KCNH7: variants seen among roughly 807,000 people sequenced by gnomAD.
KCNH7 encodes the protein potassium voltage-gated channel subfamily H member 7.
In KCNH7, 49 loss-of-function variants were observed where a neutral mutation model predicts 120.8. The ratio of observed to expected loss-of-function variants is 0.41; its 90% CI spans 0.32 to 0.51. KCNH7 has a LOEUF of 0.51. KCNH7 is among the 20% of genes least tolerant of loss of function. KCNH7 has a pLI of 0.38. For missense variants in KCNH7, 1,097 were observed against 1,446.6 expected (o/e 0.76, Z 3.92); for synonymous variants, 547 against 516.1 (o/e 1.06, Z -0.81).
intron 2 of KCNH7, among the ~76,000 whole-genome samples, chr2:162,602,424 A>G (rs1320474367): frequency 1.3e-5 from 2 of 152,118 alleles, no homozygotes; most frequent in Non-Finnish European, 2.9e-5. Flanking sequence ...TCCACAGCCT[A>G]CAAAACCTTA....
At chr2:162,384,297 T>C (rs1334242697) in intron 13 of KCNH7, among the ~76,000 whole-genome samples, 2 of 151,978 alleles carry the variant, frequency 1.3e-5, no homozygotes, top group Admixed American at 1.3e-4. Flanking sequence ...TGGCCCTTCA[T>C]ACTATAATAT....
rs781187609 is a variant in KCNH7, at chr2:162,435,316, G to A, written c.1836C>T (p.Asp612=). The change falls in exon 8 of 16, where the codon GAC becomes GAT. Residue 612 remains aspartate (D), a synonymous_variant. Coordinates refer to ENST00000332142, the MANE Select transcript of KCNH7 (RefSeq NM_033272.4). ...TAAAATAAAGTGCTGTGACGTATTT[G>A]TCTTTAATGGATGGTCCAGAACTTG... ...SDSSSGPSIK[D]KYVTALYFTF... The A allele has an allele frequency of 8.1e-6, 13 of 1,613,778 alleles. No individual in the cohort carries two copies. In the African/African-American group the frequency reaches 1.5e-4, roughly 18 times the overall value.
chr2:162,723,777 A>G (rs1687415878), intron 2 of KCNH7, among the ~76,000 whole-genome samples: 1 of 152,230 alleles, frequency 6.6e-6, no homozygotes, highest in Non-Finnish European at 1.5e-5. Context: ...ATATCTTGTT[A>G]CCCACAGGTG....
intron 3 of KCNH7, among the ~76,000 whole-genome samples, chr2:162,532,139 A>C (rs1312806549): frequency 3.3e-5 from 5 of 151,972 alleles, no homozygotes; most frequent in African/African-American, 1.2e-4. Flanking sequence ...CTAGAGAAAG[A>C]CAACTTACAG....
chr2:162,374,153 A>T (rs189378291), intron 14 of KCNH7, among the ~76,000 whole-genome samples: 8 of 152,174 alleles, frequency 5.3e-5, no homozygotes, highest in Non-Finnish European at 7.3e-5. Context: ...TCCTATTCAT[A>T]TTAAGTATTG....
intron 8 of KCNH7, among the ~76,000 whole-genome samples, chr2:162,424,503 T>C (rs1477971885): frequency 1.3e-5 from 2 of 152,234 alleles, no homozygotes; most frequent in Non-Finnish European, 2.9e-5. Context: ...TGGTAACATA[T>C]GTTTAAATCA....
chr2:162,605,905 G>A (rs1011969016), intron 2 of KCNH7, among the ~76,000 whole-genome samples: 14 of 151,926 alleles, frequency 9.2e-5, no homozygotes, highest in African/African-American at 3.4e-4. Context: ...TAAAAAGACT[G>A]AGTTTCCACC....
chr2:162,526,339 A>G (rs1691703969), intron 3 of KCNH7, among the ~76,000 whole-genome samples: 1 of 151,964 alleles, frequency 6.6e-6, no homozygotes, highest in Non-Finnish European at 1.5e-5. Flanking sequence ...CATTGATAAC[A>G]TCTTATCAGG....
chr2:162,454,114 T>C (rs2105581620), intron 6 of KCNH7, among the ~76,000 whole-genome samples: 3 of 152,190 alleles, frequency 2.0e-5, no homozygotes, highest in Middle Eastern at 3.4e-3. Flanking sequence ...TTTAATCCAT[T>C]TTGAGTTAAT....
intron 2 of KCNH7, among the ~76,000 whole-genome samples, chr2:162,695,610 A>T (rs1460970844): frequency 1.3e-5 from 2 of 152,180 alleles, no homozygotes; most frequent in Non-Finnish European, 2.9e-5. Context: ...GAACTGCACA[A>T]AAGTCAGCTT....
intron 2 of KCNH7, among the ~76,000 whole-genome samples, chr2:162,588,912 TC>T (rs1694111944): frequency 6.6e-6 from 1 of 152,006 alleles, no homozygotes; most frequent in Non-Finnish European, 1.5e-5. Flanking sequence ...TTCCTCTCCC[TC>T]CAATGGTGGG....
intron 6 of KCNH7, among the ~76,000 whole-genome samples, chr2:162,451,400 TA>T (rs1688766991): frequency 6.6e-6 from 1 of 152,132 alleles, no homozygotes; most frequent in African/African-American, 2.4e-5. Flanking sequence ...TTGATAATAT[TA>T]CAGAATTGTT....
At chr2:162,619,746 C>T (rs1018176027) in intron 2 of KCNH7, among the ~76,000 whole-genome samples, 4 of 152,086 alleles carry the variant, frequency 2.6e-5, no homozygotes, top group Admixed American at 2.6e-4. Context: ...CCAGATCCTG[C>T]AGGTTGCTCC....
intron 2 of KCNH7, among the ~76,000 whole-genome samples, chr2:162,764,753 A>G (rs756952818): frequency 1.3e-5 from 2 of 152,192 alleles, no homozygotes; most frequent in Non-Finnish European, 2.9e-5. Flanking sequence ...AAACATAAAT[A>G]TCTTTAAGCA....
At chr2:162,605,828 G>T (rs184334528) in intron 2 of KCNH7, among the ~76,000 whole-genome samples, 54 of 151,968 alleles carry the variant, frequency 3.6e-4, no homozygotes, top group Non-Finnish European at 6.6e-4. Flanking sequence ...TTGATAATTT[G>T]CTTTTCTTAG....
chr2:162,445,098 A>G (rs1198420238), intron 7 of KCNH7, among the ~76,000 whole-genome samples: 1 of 152,174 alleles, frequency 6.6e-6, no homozygotes, highest in Non-Finnish European at 1.5e-5. Context: ...AAATAGATTT[A>G]GAAATAAAAT....
At chr2:162,827,130 T>C (rs944508413) in intron 2 of KCNH7, among the ~76,000 whole-genome samples, 1 of 152,224 alleles carries the variant, frequency 6.6e-6, no homozygotes, top group Middle Eastern at 3.4e-3. Context: ...TGGCTCAAGA[T>C]GTAGAAAATT....
At chr2:162,685,138 T>G (rs1230292060) in intron 2 of KCNH7, among the ~76,000 whole-genome samples, 1 of 151,290 alleles carries the variant, frequency 6.6e-6, no homozygotes, top group Non-Finnish European at 1.5e-5. Context: ...TAAGTGGGAG[T>G]TGAACAATGA....
intron 2 of KCNH7, among the ~76,000 whole-genome samples, chr2:162,648,909 A>C (rs955762130): frequency 2.0e-5 from 3 of 152,178 alleles, no homozygotes; most frequent in Admixed American, 6.6e-5. Context: ...TAGATGTCTT[A>C]TAACCATTTT....
Sources: allele counts gnomAD v4.1 joint callset (sites outside exome capture counted in the v4.1 genomes callset), GRCh38; gene constraint gnomAD v4.1.1; transcripts MANE v1.5; gene names NCBI Gene and HGNC (gene_info 2026-07-23, HGNC 2026-07-21).